The following VRK2 variants were observed in gnomAD, a reference collection of about 807,000 sequenced individuals.
VRK2 encodes serine/threonine-protein kinase VRK2.
Under a neutral mutation model 57.6 loss-of-function variants are expected in VRK2, and 60 were observed. The ratio of observed to expected loss-of-function variants is 1.04; its 90% CI spans 0.85 to 1.29. VRK2 has a LOEUF of 1.29. Among genes scored for constraint, VRK2 ranks in the 50% most tolerant of loss-of-function variants. The probability of loss-of-function intolerance (pLI) is 0.00; values close to 1 mark genes in which losing one functional copy is unlikely to be tolerated. For synonymous variants in VRK2, 231 were observed against 199.2 expected (o/e 1.16, Z -1.35); for missense variants, 705 against 588.1 (o/e 1.20, Z -2.06).
intron 2 of VRK2, among the ~76,000 whole-genome samples, chr2:58,065,870 A>G (rs944980054): frequency 6.6e-6 from 1 of 152,030 alleles, no homozygotes; most frequent in Non-Finnish European, 1.5e-5. Flanking sequence ...GCTATTGAAA[A>G]TGTTCTTGGT....
At chr2:58,127,690 C>A (rs1678575041) in intron 8 of VRK2, among the ~76,000 whole-genome samples, 1 of 152,148 alleles carries the variant, frequency 6.6e-6, no homozygotes, top group South Asian at 2.1e-4. Flanking sequence ...ACATCTTATT[C>A]AGATGTTTTC....
chr2:58,154,631 T>G, intron 12 of VRK2: 2 of 643,694 alleles, frequency 3.1e-6, no homozygotes, highest in Non-Finnish European at 5.6e-6. Context: ...ATGTATTTTT[T>G]AATTTTCCTG....
chr2:57,945,356 G>A (rs1040346334), intron 1 of VRK2, among the ~76,000 whole-genome samples: 2 of 152,040 alleles, frequency 1.3e-5, no homozygotes, highest in Non-Finnish European at 2.9e-5. Flanking sequence ...AATCTCTTGT[G>A]TAAATGACTC....
At chr2:58,082,253 G>A (rs1183487749) in intron 2 of VRK2, among the ~76,000 whole-genome samples, 5 of 151,910 alleles carry the variant, frequency 3.3e-5, no homozygotes, top group African/African-American at 1.2e-4. Context: ...CAAGGAGTCA[G>A]GCCTTGGACT....
At chr2:57,930,739 AT>A (rs1670692077) in intron 1 of VRK2, among the ~76,000 whole-genome samples, 1 of 151,556 alleles carries the variant, frequency 6.6e-6, no homozygotes. Flanking sequence ...GCATCTCCTC[AT>A]TTCTCCCCCA....
chr2:58,046,569 G>C (rs1039111117), upstream of VRK2: 2 of 985,530 alleles, frequency 2.0e-6, no homozygotes, highest in Non-Finnish European at 2.4e-6. Flanking sequence ...TGGCGGGCCA[G>C]GGTGGAGGTA....
At chr2:57,923,188 T>G (rs1035644007) in intron 1 of VRK2, among the ~76,000 whole-genome samples, 3 of 152,086 alleles carry the variant, frequency 2.0e-5, no homozygotes, top group Non-Finnish European at 4.4e-5. Flanking sequence ...AACATAGAAG[T>G]GCAGATATCT....
At chr2:58,131,444 G>T (rs1679175860) in intron 8 of VRK2, among the ~76,000 whole-genome samples, 1 of 151,926 alleles carries the variant, frequency 6.6e-6, no homozygotes, top group African/African-American at 2.4e-5. Context: ...TAATTTAGCT[G>T]CAGACATTTA....
Position 57,916,089 on chromosome 2 carries a change from C to T in VRK2, c.-439+8250C>T, listed in dbSNP as rs541710800. On this transcript the variant is annotated intron_variant, in intron 1 of 15. Transcript: ENST00000417641. ...TCCCATTAGATGGAGAAATAAATACCTCCACAAATGTTTCAATCTTAAGAA... is the reference window on the plus strand; with the variant it reads ...TCCCATTAGATGGAGAAATAAATACTTCCACAAATGTTTCAATCTTAAGAA... Among the ~76,000 whole-genome samples the T allele has an allele frequency of 7.2e-5, 11 of 152,054 alleles. No individual in the cohort carries two copies. The East Asian group carries it at 2.1e-3, about 29-fold the overall frequency.
chr2:58,058,860 T>G (rs1053286222), intron 2 of VRK2, among the ~76,000 whole-genome samples: 3 of 152,042 alleles, frequency 2.0e-5, no homozygotes, highest in Admixed American at 2.0e-4. Context: ...AAAATGTCTC[T>G]TCTATATTTG....
At chr2:57,987,675 T>A (rs1672640099) in intron 1 of VRK2, among the ~76,000 whole-genome samples, 1 of 152,168 alleles carries the variant, frequency 6.6e-6, no homozygotes, top group Non-Finnish European at 1.5e-5. Flanking sequence ...GAAATAAAAA[T>A]TTATGTTCAC....
chr2:58,050,933 C>G (rs982909167), intron 2 of VRK2, among the ~76,000 whole-genome samples: 1 of 152,072 alleles, frequency 6.6e-6, no homozygotes, highest in Non-Finnish European at 1.5e-5. Context: ...CAACCTCCAC[C>G]TCCTAGGTTC....
rs78448023 is a variant in VRK2, at chr2:57,978,589, C to T, written c.-438-47076C>T. On this transcript the variant is annotated intron_variant, in intron 1 of 15. Coordinates refer to the VRK2 transcript ENST00000417641. ...ATCATATTGATTGACATATTGGGTG[C>T]CACATCACTAGAGACATGGATCATG... Among the ~76,000 whole-genome samples the T allele has an allele frequency of 1.2e-3, 183 of 151,010 alleles. 3 individuals carry two copies. In the East Asian group the frequency reaches 0.033, roughly 27 times the overall value.
At chr2:58,118,729 A>G (rs1467310142) in intron 7 of VRK2, among the ~76,000 whole-genome samples, 1 of 152,240 alleles carries the variant, frequency 6.6e-6, no homozygotes, top group Non-Finnish European at 1.5e-5. Context: ...GAGACTACCA[A>G]ACAGGCTTTG....
chr2:58,061,309 G>T (rs772088559), intron 2 of VRK2, among the ~76,000 whole-genome samples: 26 of 151,832 alleles, frequency 1.7e-4, no homozygotes, highest in Non-Finnish European at 2.9e-4. Flanking sequence ...AGATAAATGG[G>T]TTGGAAGATA....
chr2:57,969,976 T>C (rs1672043695), intron 1 of VRK2, among the ~76,000 whole-genome samples: 1 of 151,816 alleles, frequency 6.6e-6, no homozygotes, highest in South Asian at 2.1e-4. Flanking sequence ...CCGTAACCTA[T>C]TTTTTTCATA....
intron 2 of VRK2, among the ~76,000 whole-genome samples, chr2:58,069,145 CAG>C (rs1476980123): frequency 2.0e-5 from 3 of 152,116 alleles, no homozygotes; most frequent in Non-Finnish European, 4.4e-5. Flanking sequence ...TTATTTCTAA[CAG>C]AGAATACTGA....
chr2:57,985,468 G>A (rs555924588), intron 1 of VRK2, among the ~76,000 whole-genome samples: 1 of 152,058 alleles, frequency 6.6e-6, no homozygotes, highest in Admixed American at 6.5e-5. Flanking sequence ...CCTCCCCAGA[G>A]CCAACCACTC....
At chr2:57,989,556 GATGAT>G (rs1013763427) in intron 1 of VRK2, among the ~76,000 whole-genome samples, 3 of 152,100 alleles carry the variant, frequency 2.0e-5, no homozygotes, top group African/African-American at 7.2e-5. Flanking sequence ...CATAGTGACT[GATGAT>G]ATATTATTTT....
Sources: allele counts gnomAD v4.1 joint callset (sites outside exome capture counted in the v4.1 genomes callset), GRCh38; gene constraint gnomAD v4.1.1; transcripts MANE v1.5; gene names NCBI Gene and HGNC (gene_info 2026-07-23, HGNC 2026-07-21).